Variants in KCTD5 observed in about 807,000 individuals in gnomAD.
KCTD5 encodes BTB/POZ domain-containing protein KCTD5.
Under a neutral mutation model 27.9 loss-of-function variants are expected in KCTD5, and 12 were observed. The observed-to-expected ratio is 0.43, with a 90% CI of 0.28 to 0.70. KCTD5 has a LOEUF of 0.70. Ranked by LOEUF, KCTD5 falls within the 30% of genes least tolerant of loss-of-function variation. The probability of loss-of-function intolerance (pLI) is 0.19; values close to 1 mark genes in which losing one functional copy is unlikely to be tolerated. For synonymous variants in KCTD5, 147 were observed against 121.4 expected (o/e 1.21, Z -1.39); for missense variants, 226 against 274.8 (o/e 0.82, Z 1.26).
intron 5 of KCTD5, among the ~76,000 whole-genome samples, chr16:2,704,646 C>T (rs1460445476): frequency 2.0e-5 from 3 of 152,222 alleles, no homozygotes; most frequent in East Asian, 1.9e-4. Context: ...AGTGCCTGGG[C>T]GGCTGAGGAG....
chr16:2,705,778 C>T (rs1285099363), intron 5 of KCTD5, among the ~76,000 whole-genome samples: 1 of 152,180 alleles, frequency 6.6e-6, no homozygotes, highest in East Asian at 1.9e-4. Flanking sequence ...ACAGTGTGTC[C>T]AGAAAAGATG....
chr16:2,705,789 G>A (rs1245054501), intron 5 of KCTD5, among the ~76,000 whole-genome samples: 2 of 152,184 alleles, frequency 1.3e-5, no homozygotes, highest in Admixed American at 6.5e-5. Context: ...AGAAAAGATG[G>A]GTCTCACCCC....
At chr16:2,692,045 C>T (rs1042474457) in intron 1 of KCTD5, among the ~76,000 whole-genome samples, 1 of 152,126 alleles carries the variant, frequency 6.6e-6, no homozygotes, top group Admixed American at 6.5e-5. Flanking sequence ...GGGACTGAGA[C>T]GAGCTGGGCA....
intron 1 of KCTD5, 173 bp downstream of exon 1, chr16:2,682,973 C>T (rs967634491): frequency 8.4e-5 from 61 of 727,680 alleles, no homozygotes; most frequent in Non-Finnish European, 1.1e-4. Flanking sequence ...GATCCCCTAC[C>T]CTGGGAGGGG....
intron 2 of KCTD5, among the ~76,000 whole-genome samples, chr16:2,696,701 C>T (rs1450303949): frequency 6.6e-6 from 1 of 152,206 alleles, no homozygotes; most frequent in East Asian, 1.9e-4. Context: ...CATCGGTCTG[C>T]ACTGGGCAGC....
intron 1 of KCTD5, among the ~76,000 whole-genome samples, chr16:2,688,828 C>T (rs1412843053): frequency 3.0e-5 from 1 of 33,088 alleles, no homozygotes; most frequent in African/African-American, 1.4e-4. Flanking sequence ...GGGCAGCCCC[C>T]GAGTTTTCTT....
chr16:2,701,058 C>T (rs529541192), intron 4 of KCTD5, among the ~76,000 whole-genome samples: 102 of 152,318 alleles, frequency 6.7e-4, no homozygotes, highest in Admixed American at 2.4e-3. Context: ...GTCAGCAGCT[C>T]GGGGTCCGCG....
chr16:2,687,157 C>G (rs1002087538), intron 1 of KCTD5, among the ~76,000 whole-genome samples: 1 of 152,238 alleles, frequency 6.6e-6, no homozygotes, highest in Non-Finnish European at 1.5e-5. Flanking sequence ...TCAGGTGCCT[C>G]ACCTGAAGCC....
rs759518121 is a variant in KCTD5, at chr16:2,707,329, G to A, written c.*2G>A. 2.8e-5 allele frequency: 45 copies of A among 1,613,710 alleles called. No homozygotes were observed. The highest frequency in any genetic ancestry group is 5.0e-5 in the Admixed American group (3 of 60,004). ...CAAGAACGAGGCTCAAGGATGTGAG[G>A]GACACAGTATTGACAGCTGAAGAAA... On this transcript the variant is annotated 3_prime_UTR_variant, in exon 6 of 6. Transcript: ENST00000301738.
rs373446553 is a variant in KCTD5, at chr16:2,707,206, C to T, written c.676-92C>T. 3.0e-4 allele frequency: 389 copies of T among 1,295,362 alleles called. 3 individuals are homozygous for T. The East Asian group carries it at 8.9e-3, about 30-fold the overall frequency. 80.2% of individuals were successfully genotyped at this position (1,295,362 alleles called of 1,614,324 possible). A position where few individuals can be genotyped will look rare whatever the true frequency, so the allele number is the denominator to read the frequency against. On this transcript the variant is annotated intron_variant, in intron 5 of 5. Coordinates refer to ENST00000301738, the MANE Select transcript of KCTD5 (RefSeq NM_018992.4). The stretch of plus-strand genomic sequence containing the variant: ...TTCCCGGGGCTCCCCGAGCTAACCC[C>T]AGGCCTGTGGGCTCTGTTTTCTGGA...
At chr16:2,697,648 C>T (rs2067592283) in intron 2 of KCTD5, among the ~76,000 whole-genome samples, 1 of 152,240 alleles carries the variant, frequency 6.6e-6, no homozygotes, top group South Asian at 2.1e-4. Context: ...CTCAAGGTTA[C>T]CTGGGGTGAC....
chr16:2,706,759 G>A (rs1442304675), intron 5 of KCTD5, among the ~76,000 whole-genome samples: 1 of 151,996 alleles, frequency 6.6e-6, no homozygotes, highest in East Asian at 1.9e-4. Context: ...TGCACTTGGG[G>A]TAGGGCCCTC....
chr16:2,700,021 G>A (rs1234278502), intron 4 of KCTD5, 105 bp downstream of exon 4: 73 of 1,053,118 alleles, frequency 6.9e-5, no homozygotes, highest in Non-Finnish European at 8.0e-5. Flanking sequence ...TGCTGCTGGC[G>A]TCTTCCTGCA....
chr16:2,691,151 G>A (rs1386281797), intron 1 of KCTD5, among the ~76,000 whole-genome samples: 1 of 152,214 alleles, frequency 6.6e-6, no homozygotes, highest in African/African-American at 2.4e-5. Context: ...TGGGATTTGG[G>A]GGTCCTGGTT....
chr16:2,691,948 C>T (rs1472304564), intron 1 of KCTD5, among the ~76,000 whole-genome samples: 1 of 152,230 alleles, frequency 6.6e-6, no homozygotes, highest in Non-Finnish European at 1.5e-5. Flanking sequence ...GCAGGGAAAG[C>T]GCATCAGGAA....
At chr16:2,707,203 C>T in intron 5 of KCTD5, 95 bp from the exon 6 acceptor site, 6 of 1,266,534 alleles carry the variant, frequency 4.7e-6, no homozygotes, top group Non-Finnish European at 6.8e-6. Context: ...CCCGAGCTAA[C>T]CCCAGGCCTG....
chr16:2,704,338 G>A (rs900294183), intron 5 of KCTD5, among the ~76,000 whole-genome samples: 11 of 152,180 alleles, frequency 7.2e-5, no homozygotes, highest in Non-Finnish European at 1.5e-4. Context: ...GGCCCTCGTC[G>A]CTGGTGTCCC....
At position 2,708,023 on chromosome 16, in the gene KCTD5, T is replaced by C. The variant is rs763446749; in HGVS notation, c.*696T>C. ...GTGTGGATAGACTCCCCAGCGTTTTTCCTCTGGAAATGCCCACAGGGCTTG... is the reference window on the plus strand; with the variant it reads ...GTGTGGATAGACTCCCCAGCGTTTTCCCTCTGGAAATGCCCACAGGGCTTG... On this transcript the variant is annotated 3_prime_UTR_variant, in exon 6 of 6. Transcript: ENST00000301738. The C allele has an allele frequency of 7.6e-4, 117 of 153,370 alleles. No individual in the cohort carries two copies. The highest frequency in any genetic ancestry group is 8.7e-4 in the Non-Finnish European group (60 of 68,590). 9.5% of individuals were successfully genotyped at this position (153,370 alleles called of 1,614,324 possible).
At position 2,682,656 on chromosome 16, in the gene KCTD5, C is replaced by T. The variant is rs766091252; in HGVS notation, c.108C>T (p.Ala36=). The part of the protein sequence containing the change: ...RRCSAGLGAL[A]QRPGSVSKWV... Reference sequence around the variant, plus strand: ...GCAGCGCTGGGCTCGGCGCCCTGGCCCAGCGCCCTGGCAGCGTGTCCAAGT... The same window carrying T: ...GCAGCGCTGGGCTCGGCGCCCTGGCTCAGCGCCCTGGCAGCGTGTCCAAGT... Residue 36 remains alanine, a synonymous_variant, in exon 1 of 6, where the codon GCC becomes GCT. Transcript: ENST00000301738. 1.3e-6 allele frequency: 2 copies of T among 1,597,302 alleles called. No individual in the cohort carries two copies. The highest frequency in any genetic ancestry group is 8.5e-7 in the Non-Finnish European group (1 of 1,173,836).
Sources: gnomAD v4.1 joint callset for allele counts (sites outside exome capture counted in the v4.1 genomes callset) on GRCh38, gnomAD v4.1.1 for gene constraint, MANE v1.5 for transcripts, NCBI Gene and HGNC (gene_info 2026-07-23, HGNC 2026-07-21) for gene names.